The following ASCC3 variants were observed in gnomAD, a reference collection of about 807,000 sequenced individuals.
The protein encoded by ASCC3 is activating signal cointegrator 1 complex subunit 3.
Under a neutral mutation model 256.3 loss-of-function variants are expected in ASCC3, and 158 were observed. The observed-to-expected ratio is 0.62, with a 90% CI of 0.54 to 0.70. The LOEUF (loss-of-function observed/expected upper bound fraction) is 0.70, where lower values mean the gene tolerates loss of function less well. Ranked by LOEUF, ASCC3 falls within the 30% of genes least tolerant of loss-of-function variation. The probability of loss-of-function intolerance (pLI) is 0.00; values close to 1 mark genes in which losing one functional copy is unlikely to be tolerated. For synonymous variants in ASCC3, 948 were observed against 883.4 expected, an observed-to-expected ratio of 1.07 and a Z score of -1.30; for missense variants, 2,259 against 2,626.0, an observed-to-expected ratio of 0.86 and a Z score of 3.05.
At chr6:100,723,722 A>C (rs1292068072) in intron 11 of ASCC3, among the ~76,000 whole-genome samples, 1 of 150,966 alleles carries the variant, frequency 6.6e-6, no homozygotes, top group African/African-American at 2.4e-5. Context: ...TTCGGAATCA[A>C]GTAGATTATG....
chr6:100,781,256 GT>G (rs1782433599), intron 8 of ASCC3, among the ~76,000 whole-genome samples: 1 of 152,056 alleles, frequency 6.6e-6, no homozygotes, highest in Non-Finnish European at 1.5e-5. Flanking sequence ...TTCCACAAGT[GT>G]TTTTTATCAT....
At chr6:100,630,371 C>T (rs1774475007) in intron 26 of ASCC3, among the ~76,000 whole-genome samples, 2 of 151,884 alleles carry the variant, frequency 1.3e-5, no homozygotes, top group African/African-American at 4.8e-5. Context: ...GAATGGTCTC[C>T]ATAACATCCC....
chr6:100,878,229 C>G (rs1404984919), intron 1 of ASCC3, among the ~76,000 whole-genome samples: 2 of 152,162 alleles, frequency 1.3e-5, no homozygotes, highest in Non-Finnish European at 2.9e-5. Flanking sequence ...CACATAAACA[C>G]TTTTCACACA....
chr6:100,579,098 T>A (rs1771044682), intron 36 of ASCC3, among the ~76,000 whole-genome samples: 1 of 152,108 alleles, frequency 6.6e-6, no homozygotes, highest in Non-Finnish European at 1.5e-5. Context: ...AGCACTTTTT[T>A]TCCTATGCTT....
chr6:100,627,388 T>C (rs115399870), intron 29 of ASCC3, among the ~76,000 whole-genome samples: 2,245 of 152,292 alleles, frequency 0.015, 54 homozygotes, highest in African/African-American at 0.051. Flanking sequence ...TACAAAGTCA[T>C]TACCATTTGT....
At chr6:100,661,673 T>C in intron 16 of ASCC3, 133 bp downstream of exon 16, 1 of 854,850 alleles carries the variant, frequency 1.2e-6, no homozygotes, top group South Asian at 1.4e-5. Flanking sequence ...TTCACCCTGT[T>C]TTGTCTTATA....
chr6:100,537,381 G>A (rs1775209990), intron 37 of ASCC3, among the ~76,000 whole-genome samples: 1 of 152,112 alleles, frequency 6.6e-6, no homozygotes, highest in Non-Finnish European at 1.5e-5. Flanking sequence ...CAAGTGCCAA[G>A]AAAGACAAGA....
intron 14 of ASCC3, among the ~76,000 whole-genome samples, chr6:100,666,164 C>T (rs536794451): frequency 6.6e-6 from 1 of 152,212 alleles, no homozygotes; most frequent in South Asian, 2.1e-4. Context: ...CTTTTTATTG[C>T]TGAGTAGTAT....
At chr6:100,608,853 T>A (rs1773238378) in intron 30 of ASCC3, among the ~76,000 whole-genome samples, 1 of 137,296 alleles carries the variant, frequency 7.3e-6, no homozygotes, top group Admixed American at 8.0e-5. Context: ...AAGCTCTGCC[T>A]CCCGGGTTCA....
intron 25 of ASCC3, among the ~76,000 whole-genome samples, chr6:100,635,180 AAT>A (rs1452410889): frequency 1.3e-5 from 2 of 151,882 alleles, no homozygotes; most frequent in East Asian, 1.9e-4. Context: ...AAGAAATTGT[AAT>A]ATATATATGT....
rs545216647 is a variant in ASCC3, at chr6:100,638,783, C to G, written c.3940G>C (p.Gly1314Arg). The G allele has an allele frequency of 2.4e-5, 38 of 1,614,012 alleles. No homozygotes were observed. In the South Asian group the frequency reaches 3.7e-4, roughly 16 times the overall value. Residue 1314 changes from glycine to arginine, a missense_variant, in exon 25 of 42, where the codon GGA (glycine) becomes CGA (arginine). This residue lies in a region of ASCC3 where 1,839 missense variants were observed against 2,206.7 expected (regional missense o/e 0.83). Coordinates refer to ENST00000369162, the MANE Select transcript of ASCC3 (RefSeq NM_006828.4). Reference sequence around the variant, plus strand: ...TACAGGGCTTCATATGCTTTACATCCCAAAGCTGTGATTGGTAAAGGCTGA... The same window carrying G: ...TACAGGGCTTCATATGCTTTACATCGCAAAGCTGTGATTGGTAAAGGCTGA... ...DLQPLPITAL[G>R]CKAYEALYNF...
intron 4 of ASCC3, among the ~76,000 whole-genome samples, chr6:100,813,327 G>A (rs77362294): frequency 1.4e-4 from 22 of 151,944 alleles, no homozygotes; most frequent in African/African-American, 4.1e-4. Context: ...GCTTGGTGGC[G>A]CATGCTTATA....
chr6:100,530,828 A>C, intron 37 of ASCC3: 1 of 1,227,638 alleles, frequency 8.1e-7, no homozygotes, highest in Non-Finnish European at 1.2e-6. Context: ...ACTGGAACTT[A>C]GTGCTTAATA....
At chr6:100,878,139 G>C (rs1318362575) in intron 1 of ASCC3, among the ~76,000 whole-genome samples, 6 of 152,192 alleles carry the variant, frequency 3.9e-5, no homozygotes, top group Non-Finnish European at 8.8e-5. Context: ...AGAAGCAATT[G>C]CTCCTGAATA....
intron 14 of ASCC3, among the ~76,000 whole-genome samples, chr6:100,664,068 C>G (rs1357387677): frequency 6.6e-6 from 1 of 152,062 alleles, no homozygotes; most frequent in Non-Finnish European, 1.5e-5. Context: ...TGAAGATTCA[C>G]TATACAATAG....
At chr6:100,583,657 C>T in intron 36 of ASCC3, among the ~76,000 whole-genome samples, 1 of 152,088 alleles carries the variant, frequency 6.6e-6, no homozygotes, top group Non-Finnish European at 1.5e-5. Context: ...TCTTGCTTTT[C>T]TAGTTCTTTT....
At chr6:100,714,036 C>A (rs1013955053) in intron 13 of ASCC3, among the ~76,000 whole-genome samples, 1 of 152,138 alleles carries the variant, frequency 6.6e-6, no homozygotes, top group African/African-American at 2.4e-5. Flanking sequence ...CCTCACGAGG[C>A]AATCCAGAAC....
At chr6:100,652,506 A>G (rs1232508423) in intron 18 of ASCC3, among the ~76,000 whole-genome samples, 1 of 152,108 alleles carries the variant, frequency 6.6e-6, no homozygotes, top group Non-Finnish European at 1.5e-5. Flanking sequence ...GGGTGTGTTT[A>G]TTGCTTGGGA....
intron 1 of ASCC3, among the ~76,000 whole-genome samples, chr6:100,873,132 T>TAAAATAAA (rs144017505): frequency 5.7e-4 from 87 of 151,780 alleles, no homozygotes; most frequent in Non-Finnish European, 1.6e-4. Flanking sequence ...TTATGGAAAT[T>TAAAATAAA]TAAATAAACA....
Sources: gnomAD v4.1 joint callset for allele counts (sites outside exome capture counted in the v4.1 genomes callset) on GRCh38, gnomAD v4.1.1 for gene constraint, gnomAD v4.1.1 regional missense constraint, MANE v1.5 for transcripts, NCBI Gene and HGNC (gene_info 2026-07-23, HGNC 2026-07-21) for gene names.